The following LAMP3 variants were observed in gnomAD, a reference collection of about 807,000 sequenced individuals.
LAMP3 encodes the protein lysosome-associated membrane glycoprotein 3.
A neutral mutation model predicts 34.8 loss-of-function variants in LAMP3; 26 were observed. The ratio of observed to expected loss-of-function variants is 0.75; its 90% CI spans 0.55 to 1.04. LAMP3 has a LOEUF of 1.04. Among genes scored for constraint, LAMP3 ranks in the 50% least tolerant of loss-of-function variants. The pLI, the probability that LAMP3 is intolerant of heterozygous loss-of-function variation, is 0.00. For missense variants in LAMP3, 495 were observed against 524.0 expected (o/e 0.94, Z 0.54); for synonymous variants, 180 against 201.9 (o/e 0.89, Z 0.92).
Position 183,122,262 on chromosome 3 carries a change from T to A in LAMP3, c.*1819A>T, listed in dbSNP as rs1196070966. On this transcript the variant is annotated 3_prime_UTR_variant, in exon 6 of 6. Coordinates refer to ENST00000265598, the MANE Select transcript of LAMP3 (RefSeq NM_014398.4). ...AAAACCTTTACTACAATTCAATGTT[T>A]TATTAAGACTAAAGTCAGGACCTTG... is the stretch of plus-strand genomic sequence containing the variant. 2 of 152,208 alleles carry A rather than the reference T, an allele frequency of 1.3e-5. No individual in the cohort carries two copies. 9.4% of individuals were successfully genotyped at this position (152,208 alleles called of 1,614,324 possible). A position where few individuals can be genotyped will look rare whatever the true frequency, so the allele number is the denominator to read the frequency against.
chr3:183,151,345 G>A (rs1720624237), intron 3 of LAMP3, among the ~76,000 whole-genome samples: 1 of 152,010 alleles, frequency 6.6e-6, no homozygotes, highest in African/African-American at 2.4e-5. Context: ...TGGTCTGCAA[G>A]ACATTTGCCT....
At chr3:183,139,532 T>A (rs561160261) in intron 4 of LAMP3, among the ~76,000 whole-genome samples, 1 of 152,208 alleles carries the variant, frequency 6.6e-6, no homozygotes, top group Non-Finnish European at 1.5e-5. Context: ...ATACTGTTTT[T>A]TCCTGCATAT....
At chr3:183,138,032 A>T (rs1177544613) in intron 4 of LAMP3, among the ~76,000 whole-genome samples, 5 of 152,186 alleles carry the variant, frequency 3.3e-5, no homozygotes, top group East Asian at 1.9e-4. Flanking sequence ...CATGTTGGCC[A>T]GGCTGGTCTT....
chr3:183,151,494 C>T (rs573528971), intron 3 of LAMP3, among the ~76,000 whole-genome samples: 1 of 145,202 alleles, frequency 6.9e-6, no homozygotes, highest in South Asian at 2.2e-4. Context: ...ATGGCGCAAT[C>T]TCGGCTCACT....
At chr3:183,156,004 A>C (rs1031827429) in intron 1 of LAMP3, among the ~76,000 whole-genome samples, 8 of 152,186 alleles carry the variant, frequency 5.3e-5, no homozygotes, top group Non-Finnish European at 7.3e-5. Context: ...GTTCTTTTCC[A>C]ACTAGAACAG....
rs1720753672 is a variant in LAMP3 at position 183,154,172 on chromosome 3, G to T, written c.269C>A (p.Thr90Asn). Residue 90 changes from threonine to asparagine, a missense_variant, in exon 2 of 6, where the codon ACT (threonine) becomes AAT (asparagine). By Grantham distance (65) the Thr-to-Asn change is moderately conservative. Transcript: ENST00000265598. ...TVKIPTTTPA[T>N]TKNTATTSPI... ...GCTGGTGGTTGCAGTGTTTTTTGTA[G>T]TCGCTGGGGTAGTTGTTGGAATTTT... is the stretch of plus-strand genomic sequence containing the variant. 1 of 1,613,780 alleles carries T rather than the reference G, an allele frequency of 6.2e-7. No individual in the cohort carries two copies. The highest frequency in any genetic ancestry group is 8.5e-7 in the Non-Finnish European group (1 of 1,179,852).
intron 3 of LAMP3, among the ~76,000 whole-genome samples, chr3:183,145,545 G>A (rs1576880697): frequency 6.6e-6 from 1 of 152,284 alleles, no homozygotes; most frequent in South Asian, 2.1e-4. Flanking sequence ...GTCATTGGTA[G>A]TATTTCAATT....
chr3:183,155,817 G>A (rs926888496), intron 1 of LAMP3, among the ~76,000 whole-genome samples: 2 of 152,072 alleles, frequency 1.3e-5, no homozygotes, highest in Non-Finnish European at 2.9e-5. Context: ...TGGGTCGAAC[G>A]AAAAAATGAC....
rs762046489 is a variant in LAMP3, at chr3:183,152,335, T to C, written c.888+40A>G. Reference sequence around the variant, plus strand: ...CCCCAGGATGAGGGAGAGGGAAAGCTGTACCAGATGCAGTTTGTGCAAAGG... The same window carrying C: ...CCCCAGGATGAGGGAGAGGGAAAGCCGTACCAGATGCAGTTTGTGCAAAGG... On this transcript the variant is annotated intron_variant, in intron 3 of 5. Coordinates refer to ENST00000265598, the MANE Select transcript of LAMP3 (RefSeq NM_014398.4). The C allele has an allele frequency of 5.1e-6, 8 of 1,556,830 alleles. No individual in the cohort carries two copies. The South Asian group carries it at 9.8e-5, about 19-fold the overall frequency.
rs374519143 is a variant in LAMP3, at chr3:183,158,637, G to A, written c.49+3970C>T. 3.3e-4 allele frequency among the ~76,000 whole-genome samples: 50 copies of A among 152,244 alleles called. No homozygotes were observed. In the Middle Eastern group the frequency reaches 0.024, roughly 72 times the overall value. ...CCCCTACAACCAGTGGGTGTGAGAT[G>A]AGTCATTGCCCAGTCCCCTGAGAAA... On this transcript the variant is annotated intron_variant, in intron 1 of 5. Transcript: ENST00000265598.
intron 3 of LAMP3, among the ~76,000 whole-genome samples, chr3:183,148,422 G>A (rs935737693): frequency 5.9e-5 from 9 of 152,130 alleles, no homozygotes; most frequent in African/African-American, 1.7e-4. Flanking sequence ...CCATCCATCC[G>A]ACAAGGGATT....
intron 4 of LAMP3, among the ~76,000 whole-genome samples, chr3:183,137,674 A>G (rs1477347624): frequency 6.6e-6 from 1 of 152,152 alleles, no homozygotes; most frequent in Non-Finnish European, 1.5e-5. Context: ...ACAACTGATT[A>G]CTATTCTTAA....
intron 1 of LAMP3, among the ~76,000 whole-genome samples, chr3:183,157,241 T>A (rs1028378188): frequency 3.3e-5 from 5 of 152,226 alleles, no homozygotes; most frequent in African/African-American, 4.8e-5. Context: ...GTCTTTTTTT[T>A]AAATCGAAAA....
At chr3:183,139,927 G>T (rs1560307850) in intron 4 of LAMP3, among the ~76,000 whole-genome samples, 1 of 152,156 alleles carries the variant, frequency 6.6e-6, no homozygotes, top group Non-Finnish European at 1.5e-5. Flanking sequence ...CCAGAGTATA[G>T]AATAAGCTGC....
At chr3:183,153,301 G>A (rs989020985) in intron 2 of LAMP3, among the ~76,000 whole-genome samples, 12 of 151,934 alleles carry the variant, frequency 7.9e-5, no homozygotes, top group South Asian at 6.2e-4. Flanking sequence ...AAAACTGCCC[G>A]GAACCATAGA....
chr3:183,161,625 G>C (rs1361260202), intron 1 of LAMP3, among the ~76,000 whole-genome samples: 1 of 152,218 alleles, frequency 6.6e-6, no homozygotes, highest in African/African-American at 2.4e-5. Context: ...CTGACCTCAA[G>C]TGATCCGCCG....
chr3:183,139,387 CAA>C lies in LAMP3; in HGVS notation c.946+1149_946+1150del, dbSNP rs35474952. On this transcript the variant is annotated intron_variant, in intron 4 of 5. Transcript: ENST00000265598. ...CCTGGGCGACAGAGCGAGACTGTCT[CAA>C]AAAAAAAAAAAAAAAAGAACTTATC... Among the ~76,000 whole-genome samples, 219 of 81,196 alleles carry C rather than the reference CAA, an allele frequency of 2.7e-3. 1 individual carries two copies. In the Middle Eastern group the frequency reaches 0.03, roughly 11 times the overall value. 53.3% of individuals were successfully genotyped at this position (81,196 alleles called of 152,430 possible).
chr3:183,152,686 G>T (rs78015063), intron 2 of LAMP3, among the ~76,000 whole-genome samples, 183 bp from the exon 3 acceptor site: 2,721 of 152,228 alleles, frequency 0.018, 80 homozygotes, highest in African/African-American at 0.063. Context: ...TCTTAAAGAG[G>T]AGTTCTCCCA....
upstream of LAMP3, chr3:183,162,800 G>C (rs1253540558): frequency 2.7e-6 from 2 of 753,072 alleles, no homozygotes; most frequent in African/African-American, 3.8e-5. Flanking sequence ...CCGCTGGGCG[G>C]GGAGGGAAAC....
Sources: gnomAD v4.1 joint callset for allele counts (sites outside exome capture counted in the v4.1 genomes callset) on GRCh38, gnomAD v4.1.1 for gene constraint, MANE v1.5 for transcripts, NCBI Gene and HGNC (gene_info 2026-07-23, HGNC 2026-07-21) for gene names.